The following HDAC9 variants were observed in gnomAD, a reference collection of about 807,000 sequenced individuals.
HDAC9 encodes MEF-2 interacting transcription repressor (MITR) protein.
Under a neutral mutation model 139.4 loss-of-function variants are expected in HDAC9, and 41 were observed. That is an observed-to-expected ratio of 0.29 (90% confidence interval 0.23 to 0.38). The LOEUF (loss-of-function observed/expected upper bound fraction) is 0.38. Among genes scored for constraint, HDAC9 ranks in the 10% least tolerant of loss-of-function variants. The pLI is 1.00. For synonymous variants in HDAC9, 517 were observed against 476.2 expected, an observed-to-expected ratio of 1.09 and a Z score of -1.12; for missense variants, 1,147 against 1,297.0, an observed-to-expected ratio of 0.88 and a Z score of 1.78.
intron 1 of HDAC9, among the ~76,000 whole-genome samples, chr7:18,348,819 C>T (rs1183533152): frequency 6.6e-6 from 1 of 152,110 alleles, no homozygotes; most frequent in Non-Finnish European, 1.5e-5. Flanking sequence ...TTGTTAAGCA[C>T]TTACTGTAAT....
At chr7:18,670,605 C>T (rs1326090548) in intron 12 of HDAC9, among the ~76,000 whole-genome samples, 1 of 152,012 alleles carries the variant, frequency 6.6e-6, no homozygotes. Flanking sequence ...GAGATGAGAG[C>T]ACTGCAAAAG....
chr7:18,674,358 A>G (rs1781368983), intron 12 of HDAC9, among the ~76,000 whole-genome samples: 1 of 152,042 alleles, frequency 6.6e-6, no homozygotes, highest in Non-Finnish European at 1.5e-5. Flanking sequence ...TTTCACTTAA[A>G]TGATATCAGA....
intron 22 of HDAC9, among the ~76,000 whole-genome samples, chr7:18,899,950 C>T (rs963409355): frequency 6.6e-6 from 1 of 151,942 alleles, no homozygotes; most frequent in Admixed American, 6.6e-5. Flanking sequence ...GTTTGAAAGA[C>T]TTGATAATAC....
At chr7:18,983,902 C>T (rs893396710) in intron 25 of HDAC9, among the ~76,000 whole-genome samples, 2 of 151,820 alleles carry the variant, frequency 1.3e-5, no homozygotes, top group Non-Finnish European at 2.9e-5. Flanking sequence ...AATGTTTATC[C>T]TGTCCTCTAC....
chr7:18,428,702 G>A (rs1248582207), intron 1 of HDAC9, among the ~76,000 whole-genome samples: 1 of 152,150 alleles, frequency 6.6e-6, no homozygotes, highest in Non-Finnish European at 1.5e-5. Flanking sequence ...GCTTTTAGAA[G>A]TCATACCATG....
At chr7:18,168,415 A>G (rs577265929) in intron 2 of HDAC9, among the ~76,000 whole-genome samples, 1 of 152,246 alleles carries the variant, frequency 6.6e-6, no homozygotes, top group South Asian at 2.1e-4. Flanking sequence ...TAGACTATAT[A>G]TTTTCTTAAG....
At chr7:18,280,027 A>G (rs1170383195) in intron 2 of HDAC9, among the ~76,000 whole-genome samples, 1 of 152,242 alleles carries the variant, frequency 6.6e-6, no homozygotes, top group Non-Finnish European at 1.5e-5. Flanking sequence ...TAAAAAGAAA[A>G]TGAAAATATA....
chr7:18,732,652 TATACACACACAC>T (rs1786223398), intron 13 of HDAC9, among the ~76,000 whole-genome samples: 1 of 76,726 alleles, frequency 1.3e-5, no homozygotes, highest in African/African-American at 7.1e-5. Context: ...TATGTGTATA[TATACACACACAC>T]GTGTATATGT....
At chr7:18,772,107 T>C (rs998919799) in intron 16 of HDAC9, among the ~76,000 whole-genome samples, 3 of 152,104 alleles carry the variant, frequency 2.0e-5, no homozygotes, top group African/African-American at 7.2e-5. Context: ...AGGAAGCTTT[T>C]AAAACAGCAA....
chr7:18,756,053 CTCT>C (rs1788849778), intron 14 of HDAC9, among the ~76,000 whole-genome samples: 1 of 152,090 alleles, frequency 6.6e-6, no homozygotes, highest in Non-Finnish European at 1.5e-5. Context: ...CATTAGAATC[CTCT>C]GGGTGGTTGG....
At chr7:18,307,330 T>G (rs748881828) in intron 1 of HDAC9, among the ~76,000 whole-genome samples, 1 of 152,138 alleles carries the variant, frequency 6.6e-6, no homozygotes, top group Non-Finnish European at 1.5e-5. Flanking sequence ...TGACGTGTAT[T>G]AGAAAGGTTC....
chr7:18,563,964 T>C (rs1158572528), intron 2 of HDAC9, among the ~76,000 whole-genome samples: 1 of 151,246 alleles, frequency 6.6e-6, no homozygotes, highest in Non-Finnish European at 1.5e-5. Flanking sequence ...GCCTCCAAAA[T>C]AGCTGGGACT....
intron 11 of HDAC9, among the ~76,000 whole-genome samples, chr7:18,659,375 A>C (rs532576597): frequency 2.0e-5 from 3 of 152,308 alleles, no homozygotes; most frequent in African/African-American, 7.2e-5. Context: ...ATGATGTTAA[A>C]CATGGAATGT....
chr7:18,681,571 G>A (rs1037377037), intron 12 of HDAC9, among the ~76,000 whole-genome samples: 2 of 152,010 alleles, frequency 1.3e-5, no homozygotes, highest in Non-Finnish European at 2.9e-5. Context: ...TAAATTTCCA[G>A]CAGAATTAAC....
chr7:18,160,603 A>C (rs1787561522), intron 1 of HDAC9, among the ~76,000 whole-genome samples: 1 of 152,044 alleles, frequency 6.6e-6, no homozygotes, highest in South Asian at 2.1e-4. Context: ...CAGTGTGAGC[A>C]ATGTTTGTAT....
chr7:18,836,055 A>G, intron 21 of HDAC9, 58 bp downstream of exon 21: 2 of 880,296 alleles, frequency 2.3e-6, no homozygotes, highest in Non-Finnish European at 3.6e-6. Context: ...CCATTGAAAT[A>G]ACACCAAATA....
intron 2 of HDAC9, among the ~76,000 whole-genome samples, chr7:18,516,785 C>T (rs1160538233): frequency 4.7e-5 from 7 of 149,124 alleles, no homozygotes; most frequent in African/African-American, 1.7e-4. Context: ...CACTTGAACC[C>T]AGGAGGCAGA....
chr7:18,911,123 G>T (rs1216210289), intron 22 of HDAC9, among the ~76,000 whole-genome samples: 2 of 142,170 alleles, frequency 1.4e-5, no homozygotes, highest in African/African-American at 2.6e-5. Flanking sequence ...ATTCTATCTT[G>T]TTATTTGTTA....
intron 2 of HDAC9, among the ~76,000 whole-genome samples, chr7:18,530,998 A>C (rs538805594): frequency 1.3e-5 from 2 of 151,852 alleles, no homozygotes; most frequent in East Asian, 3.9e-4. Flanking sequence ...CATTTTAACA[A>C]TTTTTTACTC....
Sources: allele counts gnomAD v4.1 joint callset (sites outside exome capture counted in the v4.1 genomes callset), GRCh38; gene constraint gnomAD v4.1.1; transcripts MANE v1.5; gene names NCBI Gene and HGNC (gene_info 2026-07-23, HGNC 2026-07-21).